The following SEMA5B variants were observed in gnomAD, a reference collection of about 807,000 sequenced individuals.
SEMA5B encodes semaphorin 5B, also known as semaphorin-5B.
SEMA5B carries 66 observed loss-of-function variants against 135.0 expected under a neutral mutation model. The observed-to-expected ratio is 0.49, with a 90% confidence interval of 0.40 to 0.60. The LOEUF (loss-of-function observed/expected upper bound fraction) is 0.60. Ranked by LOEUF, SEMA5B falls within the 20% of genes least tolerant of loss-of-function variation. The pLI, the probability that SEMA5B is intolerant of heterozygous loss-of-function variation, is 0.00. For synonymous variants in SEMA5B, 690 were observed against 639.5 expected (o/e 1.08, Z -1.19); for missense variants, 1,501 against 1,566.3 (o/e 0.96, Z 0.70).
chr3:122,997,451 T>C (rs1221084520), intron 1 of SEMA5B, among the ~76,000 whole-genome samples: 2 of 151,790 alleles, frequency 1.3e-5, no homozygotes, highest in African/African-American at 2.4e-5. Context: ...GATGGGGACC[T>C]TACCCCATCC....
At chr3:122,959,235 C>G (rs1283502914) in intron 2 of SEMA5B, among the ~76,000 whole-genome samples, 1 of 152,158 alleles carries the variant, frequency 6.6e-6, no homozygotes, top group African/African-American at 2.4e-5. Context: ...CCCCGTGAGG[C>G]GGGTATTGTA....
chr3:122,979,888 C>T (rs1287116346), intron 1 of SEMA5B, among the ~76,000 whole-genome samples: 1 of 152,232 alleles, frequency 6.6e-6, no homozygotes, highest in Non-Finnish European at 1.5e-5. Context: ...GGCAACTCCC[C>T]ATTTGTGGAT....
intron 1 of SEMA5B, among the ~76,000 whole-genome samples, chr3:123,003,860 T>C (rs1350813894): frequency 6.6e-6 from 1 of 151,170 alleles, no homozygotes; most frequent in Non-Finnish European, 1.5e-5. Context: ...AAATAAATAA[T>C]AATAATAAAA....
rs77089000 is a variant in SEMA5B, at chr3:122,974,721, C to T, written c.-38-13420G>A. On this transcript the variant is annotated intron_variant, in intron 1 of 22. Coordinates refer to ENST00000357599, the MANE Select transcript of SEMA5B (RefSeq NM_001031702.4). Reference sequence around the variant, plus strand: ...TGAGCTCTTTCTGATCTGGTATAAACGAAGCCCTTCTTGGAGACAGAAAGA... The same window carrying T: ...TGAGCTCTTTCTGATCTGGTATAAATGAAGCCCTTCTTGGAGACAGAAAGA... 1.0e-2 allele frequency among the ~76,000 whole-genome samples: 1,517 copies of T among 152,234 alleles called. 28 individuals carry two copies. The highest frequency in any genetic ancestry group is 0.035 in the African/African-American group (1,437 of 41,532).
chr3:122,968,575 G>A (rs549440356), intron 1 of SEMA5B, among the ~76,000 whole-genome samples: 41 of 152,228 alleles, frequency 2.7e-4, no homozygotes, highest in African/African-American at 9.6e-4. Flanking sequence ...CAACACTACT[G>A]GAAATACATT....
intron 5 of SEMA5B, among the ~76,000 whole-genome samples, chr3:122,938,605 G>A (rs1939411870): frequency 6.6e-6 from 1 of 152,128 alleles, no homozygotes; most frequent in African/African-American, 2.4e-5. Flanking sequence ...TTTTCCTGAA[G>A]GCCAGAGACT....
chr3:122,945,483 AT>A (rs1266214776), intron 3 of SEMA5B, among the ~76,000 whole-genome samples: 2 of 151,934 alleles, frequency 1.3e-5, no homozygotes, highest in Non-Finnish European at 1.5e-5. Flanking sequence ...CCCTGATCTT[AT>A]TTTGCTCCAC....
At position 123,016,154 on chromosome 3, in the gene SEMA5B, C is replaced by T. The variant is rs372870608; in HGVS notation, c.-39+11310G>A. Among the ~76,000 whole-genome samples the T allele has an allele frequency of 6.6e-5, 10 of 152,278 alleles. 1 individual carries two copies. Among genetic ancestry groups the T allele is most frequent in the East Asian group, 1.9e-4 (1 of 5,178 alleles). On this transcript the variant is annotated intron_variant, in intron 1 of 22. Coordinates refer to ENST00000357599, the MANE Select transcript of SEMA5B (RefSeq NM_001031702.4). ...TGGCAGCCCAAGCCTTAATTGATCC[C>T]TAACTTGAGGGAGCCCCACATTGGT...
At chr3:123,021,731 C>A (rs761923312) in intron 1 of SEMA5B, among the ~76,000 whole-genome samples, 1 of 152,170 alleles carries the variant, frequency 6.6e-6, no homozygotes, top group Non-Finnish European at 1.5e-5. Flanking sequence ...AACGAAACTG[C>A]GGACAGAACT....
chr3:123,023,599 T>G (rs1942738257), intron 1 of SEMA5B, among the ~76,000 whole-genome samples: 2 of 152,136 alleles, frequency 1.3e-5, no homozygotes, highest in South Asian at 4.1e-4. Flanking sequence ...AACTTGGAAC[T>G]AGGAAACAGC....
chr3:122,944,203 C>T (rs1009442061), intron 3 of SEMA5B, among the ~76,000 whole-genome samples: 1 of 152,194 alleles, frequency 6.6e-6, no homozygotes, highest in African/African-American at 2.4e-5. Flanking sequence ...GATGCTTCAC[C>T]TTTTACATTC....
chr3:122,961,126 C>G lies in SEMA5B; in HGVS notation c.124+14G>C. 6.2e-7 allele frequency: 1 copy of G among 1,601,538 alleles called. No individual in the cohort carries two copies. The highest frequency in any genetic ancestry group is 1.8e-4 in the Middle Eastern group (1 of 5,562). ...ACCTGCTGCAGCCCCCCACACTCCC[C>G]TGGGCACACTTACCCCTGACCAGTG... On this transcript the variant is annotated intron_variant, in intron 2 of 22. Coordinates refer to ENST00000357599, the MANE Select transcript of SEMA5B (RefSeq NM_001031702.4).
At chr3:123,003,587 C>A (rs1385864806) in intron 1 of SEMA5B, among the ~76,000 whole-genome samples, 1 of 152,142 alleles carries the variant, frequency 6.6e-6, no homozygotes, top group Non-Finnish European at 1.5e-5. Context: ...GTAATCCCAG[C>A]ACTTTGGGAG....
At chr3:123,025,735 A>AC (rs1490122648) in intron 1 of SEMA5B, among the ~76,000 whole-genome samples, 3 of 151,976 alleles carry the variant, frequency 2.0e-5, no homozygotes, top group Non-Finnish European at 4.4e-5. Context: ...CGAGTGGTCT[A>AC]CCCCCACGCC....
chr3:122,948,012 C>T lies in SEMA5B; in HGVS notation c.328+494G>A, dbSNP rs752878895. Among the ~76,000 whole-genome samples the T allele has an allele frequency of 2.6e-5, 4 of 151,978 alleles. No individual in the cohort carries two copies. In the East Asian group the frequency reaches 7.7e-4, roughly 29 times the overall value. ...GATTTACAGATCCCAGTTTGGGAAA[C>T]ACTTTCATAGGACTTTCTCATACCC... On this transcript the variant is annotated intron_variant, in intron 3 of 22. Transcript: ENST00000357599.
At chr3:122,978,404 C>T (rs1327878181) in intron 1 of SEMA5B, among the ~76,000 whole-genome samples, 1 of 150,576 alleles carries the variant, frequency 6.6e-6, no homozygotes, top group Non-Finnish European at 1.5e-5. Flanking sequence ...CACAGGGACC[C>T]GTGCAGCATC....
intron 14 of SEMA5B, among the ~76,000 whole-genome samples, chr3:122,915,063 C>T (rs75538895): frequency 5.3e-5 from 8 of 152,260 alleles, no homozygotes; most frequent in East Asian, 3.9e-4. Flanking sequence ...GGCTAGGCCA[C>T]GGCCACACCT....
intron 1 of SEMA5B, among the ~76,000 whole-genome samples, chr3:122,965,595 C>T (rs1404901029): frequency 6.6e-6 from 1 of 152,230 alleles, no homozygotes; most frequent in East Asian, 1.9e-4. Flanking sequence ...TGAGCAAAGA[C>T]CAGCAGCTGC....
intron 2 of SEMA5B, among the ~76,000 whole-genome samples, chr3:122,953,794 TC>T (rs1250971597): frequency 6.6e-6 from 1 of 152,156 alleles, no homozygotes; most frequent in Non-Finnish European, 1.5e-5. Context: ...GGAGGTGACT[TC>T]CCAACTCCCA....
Sources: allele counts gnomAD v4.1 joint callset (sites outside exome capture counted in the v4.1 genomes callset), GRCh38; gene constraint gnomAD v4.1.1; transcripts MANE v1.5; gene names NCBI Gene and HGNC (gene_info 2026-07-23, HGNC 2026-07-21).